The following COG3 variants were observed in gnomAD, a reference collection of about 807,000 sequenced individuals.
COG3 encodes component of oligomeric golgi complex 3, also known as conserved oligomeric Golgi complex subunit 3.
COG3 carries 32 observed loss-of-function variants against 114.1 expected under a neutral mutation model. The ratio of observed to expected loss-of-function variants is 0.28; its 90% CI spans 0.21 to 0.38. The LOEUF (loss-of-function observed/expected upper bound fraction) is 0.38. COG3 is among the 10% of genes least tolerant of loss of function. COG3 has a pLI of 1.00. For synonymous variants in COG3, 352 were observed against 365.7 expected (o/e 0.96, Z 0.43); for missense variants, 813 against 973.2 (o/e 0.84, Z 2.19).
At chr13:45,508,382 A>ATT (rs143607555) in intron 14 of COG3, among the ~76,000 whole-genome samples, 4 of 122,348 alleles carry the variant, frequency 3.3e-5, no homozygotes, top group African/African-American at 1.3e-4. Context: ...TTTTATATAT[A>ATT]TTTTTATATA....
At chr13:45,483,852 C>G (rs964053945) in intron 7 of COG3, among the ~76,000 whole-genome samples, 10 of 151,936 alleles carry the variant, frequency 6.6e-5, no homozygotes, top group African/African-American at 1.9e-4. Flanking sequence ...TGAGCACTGC[C>G]TAATGCTTGA....
intron 19 of COG3, 115 bp from the exon 20 acceptor site, chr13:45,524,861 A>G (rs962570354): frequency 6.7e-6 from 4 of 599,922 alleles, no homozygotes; most frequent in African/African-American, 1.9e-5. Context: ...TTGTGTTTTA[A>G]TAGGTTTAAA....
In COG3 at chr13:45,480,031, G is replaced by A. The variant is rs934967106; in HGVS notation, c.384-94G>A. ...ATAGGCAGTTTTCCTCCTGAAATTC[G>A]AACATTTTGGGAAAAATGAGCCTTT... On this transcript the variant is annotated intron_variant, in intron 3 of 22. Coordinates refer to ENST00000349995, the MANE Select transcript of COG3 (RefSeq NM_031431.4). 57 of 1,120,988 alleles carry A rather than the reference G, an allele frequency of 5.1e-5. No homozygotes were observed. In the African/African-American group the frequency reaches 6.2e-4, roughly 12 times the overall value. The allele number at this position is 1,120,988 out of a possible 1,614,324, so 69.4% of individuals were successfully genotyped here.
At chr13:45,529,196 A>G (rs1872949797) in intron 20 of COG3, among the ~76,000 whole-genome samples, 1 of 152,184 alleles carries the variant, frequency 6.6e-6, no homozygotes, top group African/African-American at 2.4e-5. Flanking sequence ...TCTTTTAAAT[A>G]CTTCCTACAG....
intron 19 of COG3, among the ~76,000 whole-genome samples, chr13:45,522,073 GAGA>G (rs1296413694): frequency 1.3e-5 from 2 of 152,156 alleles, no homozygotes; most frequent in Non-Finnish European, 2.9e-5. Flanking sequence ...CCAAAGTGCT[GAGA>G]TAACAGGCAG....
In COG3 at chr13:45,505,387, C is replaced by T. The variant is rs552139660; in HGVS notation, c.1594+2038C>T. 4.7e-5 allele frequency among the ~76,000 whole-genome samples: 7 copies of T among 149,634 alleles called. No homozygotes were observed. In the South Asian group the frequency reaches 6.4e-4, roughly 14 times the overall value. On this transcript the variant is annotated intron_variant, in intron 14 of 22. Coordinates refer to ENST00000349995, the MANE Select transcript of COG3 (RefSeq NM_031431.4). ...TGCAGTCTCAGCTCACTGCAACCTC[C>T]GCCTCCCGGGTTCAAGCAATTCTCC...
rs771423799 is a variant in COG3 at position 45,496,338 on chromosome 13, G to A, written c.1488+26G>A. The A allele has an allele frequency of 2.0e-5, 30 of 1,510,382 alleles. No individual in the cohort carries two copies. In the East Asian group the frequency reaches 3.5e-4, roughly 17 times the overall value. The allele number at this position is 1,510,382 out of a possible 1,614,324, so 93.6% of individuals were successfully genotyped here. On this transcript the variant is annotated intron_variant, in intron 13 of 22. Transcript: ENST00000349995. ...GTAGGATCTCCTTACTTGATCTCCC[G>A]TCTGCCCCCACACAGCTTTTAGATG...
intron 14 of COG3, among the ~76,000 whole-genome samples, chr13:45,509,094 C>T (rs1870564485): frequency 6.6e-6 from 1 of 150,564 alleles, no homozygotes. Context: ...GGCTGGAGTG[C>T]AGTGGCGAGA....
At chr13:45,496,029 A>G (rs967547681) in intron 12 of COG3, 123 bp from the exon 13 acceptor site, 3 of 814,390 alleles carry the variant, frequency 3.7e-6, no homozygotes, top group African/African-American at 1.7e-5. Context: ...ATAGAATACA[A>G]TCACAGCCTC....
chr13:45,470,315 G>T (rs1286556799), intron 1 of COG3, among the ~76,000 whole-genome samples: 1 of 152,198 alleles, frequency 6.6e-6, no homozygotes, highest in Non-Finnish European at 1.5e-5. Flanking sequence ...AGTTCCAGGG[G>T]AAGGAGACTT....
intron 14 of COG3, among the ~76,000 whole-genome samples, chr13:45,508,217 A>G (rs1870421270): frequency 6.6e-6 from 1 of 150,778 alleles, no homozygotes; most frequent in South Asian, 2.1e-4. Flanking sequence ...ATAAAAAGGA[A>G]TTAATGTTTG....
Position 45,516,050 on chromosome 13 carries a change from A to G in COG3, c.1810-93A>G, listed in dbSNP as rs199632768. On this transcript the variant is annotated intron_variant, in intron 16 of 22. Transcript: ENST00000349995. Reference sequence around the variant, plus strand: ...AATTGACACCATAGGCTGTAAACCTAGGTAGATTAATGTTGATTAATAATG... The same window carrying G: ...AATTGACACCATAGGCTGTAAACCTGGGTAGATTAATGTTGATTAATAATG... 48 of 878,986 alleles carry G rather than the reference A, an allele frequency of 5.5e-5. No individual in the cohort carries two copies. In the East Asian group the frequency reaches 1.4e-3, roughly 25 times the overall value. 54.4% of individuals were successfully genotyped at this position (878,986 alleles called of 1,614,324 possible).
intron 17 of COG3, 118 bp from the exon 18 acceptor site, chr13:45,518,644 G>A: frequency 3.0e-6 from 2 of 677,034 alleles, no homozygotes; most frequent in South Asian, 1.9e-5. Context: ...TCATGGAGGT[G>A]AGTTGCTGAA....
At chr13:45,478,841 G>T (rs1264646277) in intron 2 of COG3, among the ~76,000 whole-genome samples, 164 bp from the exon 3 acceptor site, 1 of 152,176 alleles carries the variant, frequency 6.6e-6, no homozygotes. Flanking sequence ...GGGTATTGTG[G>T]ATATAATTAA....
chr13:45,476,451 T>A, intron 2 of COG3, 104 bp downstream of exon 2: 1 of 1,151,346 alleles, frequency 8.7e-7, no homozygotes, highest in Non-Finnish European at 1.3e-6. Context: ...TCACCATAAT[T>A]AACATTAAGT....
rs374368155 is a variant in COG3 at position 45,493,434 on chromosome 13, A to G, written c.1275A>G (p.Glu425=). Residue 425 remains glutamate (E), a synonymous_variant, in exon 12 of 23, where the codon GAA becomes GAG. Transcript: ENST00000349995. ...IHVIHLETLS[E]LCGILKNEVL... is the part of the protein sequence containing the mutation. ...TTATTCACTTAGAGACTCTGTCGGAACTTTGTGGGATTCTTAAAAATGAGG... is the reference window on the plus strand; with the variant it reads ...TTATTCACTTAGAGACTCTGTCGGAGCTTTGTGGGATTCTTAAAAATGAGG... 1.2e-6 allele frequency: 2 copies of G among 1,613,282 alleles called. No homozygotes were observed. The highest frequency in any genetic ancestry group is 2.7e-5 in the African/African-American group (2 of 74,904).
At chr13:45,475,170 G>T (rs1215734035) in intron 1 of COG3, among the ~76,000 whole-genome samples, 1 of 152,100 alleles carries the variant, frequency 6.6e-6, no homozygotes, top group East Asian at 1.9e-4. Flanking sequence ...GTAGGAGGAG[G>T]TAATGTTTAT....
chr13:45,529,446 A>C (rs551039456), intron 20 of COG3, among the ~76,000 whole-genome samples: 1 of 151,892 alleles, frequency 6.6e-6, no homozygotes, highest in African/African-American at 2.4e-5. Flanking sequence ...AATTCTTACT[A>C]GTGTCTCTCT....
intron 5 of COG3, among the ~76,000 whole-genome samples, chr13:45,482,011 T>C (rs1886276832): frequency 6.6e-6 from 1 of 152,134 alleles, no homozygotes; most frequent in Admixed American, 6.5e-5. Context: ...TCCTTTAATC[T>C]TCAGAAAAAT....
Sources: gnomAD v4.1 joint callset for allele counts (sites outside exome capture counted in the v4.1 genomes callset) on GRCh38, gnomAD v4.1.1 for gene constraint, MANE v1.5 for transcripts, NCBI Gene and HGNC (gene_info 2026-07-23, HGNC 2026-07-21) for gene names.